The following CTBP1 variants were observed in gnomAD, a reference collection of about 807,000 sequenced individuals.
The protein encoded by CTBP1 is C-terminal-binding protein 1.
Under a neutral mutation model 42.1 loss-of-function variants are expected in CTBP1, and 11 were observed. The ratio of observed to expected loss-of-function variants is 0.26; its 90% CI spans 0.16 to 0.43. The LOEUF (loss-of-function observed/expected upper bound fraction) is 0.43. CTBP1 is among the 20% of genes least tolerant of loss of function. The probability of loss-of-function intolerance (pLI) is 1.00; values close to 1 mark genes in which losing one functional copy is unlikely to be tolerated. For missense variants in CTBP1, 399 were observed against 624.3 expected, an observed-to-expected ratio of 0.64 and a Z score of 3.85; for synonymous variants, 324 against 277.1, an observed-to-expected ratio of 1.17 and a Z score of -1.68.
Position 1,248,848 on chromosome 4 carries a change from C to T in CTBP1, c.-189+68G>A, listed in dbSNP as rs1434829362. 20 of 917,064 alleles carry T rather than the reference C, an allele frequency of 2.2e-5. No homozygotes were observed. In the African/African-American group the frequency reaches 3.5e-4, roughly 16 times the overall value. 56.8% of individuals were successfully genotyped at this position (917,064 alleles called of 1,614,324 possible). ...GCGCTCGGTCCGCCCCCGCGCCCCC[C>T]GCCCGCGCGGCACCCGCCCCGCCCC... is the stretch of plus-strand genomic sequence containing the variant. On this transcript the variant is annotated intron_variant, in intron 1 of 9. Coordinates refer to ENST00000382952, the MANE Select transcript of CTBP1 (RefSeq NM_001012614.2).
At position 1,211,571 on chromosome 4, in the gene CTBP1, C is replaced by G. The variant is rs926283257; in HGVS notation, c.*669G>C. 5 of 152,510 alleles carry G rather than the reference C, an allele frequency of 3.3e-5. No individual in the cohort carries two copies. The highest frequency in any genetic ancestry group is 1.2e-4 in the African/African-American group (5 of 41,556). The allele number at this position is 152,510 out of a possible 1,614,324, so 9.4% of individuals were successfully genotyped here. Reference sequence around the variant, plus strand: ...AGGACGGCACTGGTGCAGGCGGGGACGCTGCCACCCTCCACGTCCCCAGGA... The same window carrying G: ...AGGACGGCACTGGTGCAGGCGGGGAGGCTGCCACCCTCCACGTCCCCAGGA... On this transcript the variant is annotated 3_prime_UTR_variant, in exon 10 of 10. Transcript: ENST00000382952.
intron 5 of CTBP1, chr4:1,216,558 T>C (rs1406576416): frequency 7.5e-6 from 3 of 398,908 alleles, no homozygotes; most frequent in Non-Finnish European, 1.4e-5. Context: ...ACCCAACACA[T>C]GTCCTCCGTG....
At chr4:1,249,185 GCGCGGGCGGCGCACGGACTCA>G (rs1242105728), upstream of CTBP1, 2 of 147,158 alleles carry the variant, frequency 1.4e-5, no homozygotes, top group East Asian at 2.0e-4. Flanking sequence ...CTGGTTCCCA[GCGCGGGCGGCGCACGGACTCA>G]CGCGGGCGGC....
chr4:1,221,220 T>A (rs1460223534), intron 5 of CTBP1, among the ~76,000 whole-genome samples: 4 of 152,202 alleles, frequency 2.6e-5, no homozygotes, highest in Admixed American at 2.6e-4. Flanking sequence ...TCCTCACTTA[T>A]CAGGAAACTA....
At chr4:1,231,308 A>G (rs575320962) in intron 3 of CTBP1, among the ~76,000 whole-genome samples, 1 of 152,306 alleles carries the variant, frequency 6.6e-6, no homozygotes, top group Admixed American at 6.5e-5. Flanking sequence ...GAAAGTCTGC[A>G]GGAGGTGGGT....
At chr4:1,239,595 C>T (rs1035379938) in intron 2 of CTBP1, among the ~76,000 whole-genome samples, 1 of 152,216 alleles carries the variant, frequency 6.6e-6, no homozygotes, top group Non-Finnish European at 1.5e-5. Context: ...GAACCCATGG[C>T]AGAGAAAAGA....
At chr4:1,240,707 C>T (rs73793160) in intron 2 of CTBP1, among the ~76,000 whole-genome samples, 266 of 152,300 alleles carry the variant, frequency 1.7e-3, no homozygotes, top group African/African-American at 6.2e-3. Flanking sequence ...CACCAAGCCC[C>T]ATCAGGCTCA....
Position 1,233,837 on chromosome 4 carries a change from A to C in CTBP1, c.162+4346T>G, listed in dbSNP as rs1468611413. 2.0e-5 allele frequency among the ~76,000 whole-genome samples: 3 copies of C among 152,214 alleles called. No homozygotes were observed. The highest frequency in any genetic ancestry group is 4.4e-5 in the Non-Finnish European group (3 of 68,038). On this transcript the variant is annotated intron_variant, in intron 3 of 9. Coordinates refer to ENST00000382952, the MANE Select transcript of CTBP1 (RefSeq NM_001012614.2). The surrounding 1 kb of genome is among the most constrained non-coding windows in gnomAD (Gnocchi z 4.6). The stretch of plus-strand genomic sequence containing the variant: ...GCGGGAAGTTTCTGCCCCAGGAGGC[A>C]GAATTCCTGACTAACAGTGGCACAC...
chr4:1,249,408 A>C (rs1229053917), upstream of CTBP1: 1 of 152,306 alleles, frequency 6.6e-6, no homozygotes, highest in African/African-American at 2.4e-5. Context: ...GTCCGCCCCG[A>C]GGACCCTGCG....
chr4:1,242,204 CCT>C (rs1732249594), intron 1 of CTBP1: 1 of 985,406 alleles, frequency 1.0e-6, no homozygotes, highest in Non-Finnish European at 1.2e-6. Flanking sequence ...GCAGGGGGCC[CCT>C]GAGAGGGCCA....
chr4:1,240,709 T>C (rs113692186), intron 2 of CTBP1, among the ~76,000 whole-genome samples: 4,515 of 152,146 alleles, frequency 0.03, 220 homozygotes, highest in African/African-American at 0.1. Context: ...CCAAGCCCCA[T>C]CAGGCTCAGG....
intron 2 of CTBP1, among the ~76,000 whole-genome samples, chr4:1,239,018 G>A (rs1460940308): frequency 6.6e-6 from 1 of 152,176 alleles, no homozygotes; most frequent in Non-Finnish European, 1.5e-5. Context: ...CCCTCTGCCT[G>A]GCATTACTTC....
chr4:1,223,004 C>T (rs997659316), intron 5 of CTBP1, among the ~76,000 whole-genome samples: 4 of 152,146 alleles, frequency 2.6e-5, no homozygotes, highest in African/African-American at 4.8e-5. Flanking sequence ...GCAGGACAGG[C>T]GGTGACCTGC....
At position 1,229,977 on chromosome 4, in the gene CTBP1, C is replaced by T. The variant is rs552483110; in HGVS notation, c.163-1634G>A. Among the ~76,000 whole-genome samples the T allele has an allele frequency of 1.9e-4, 29 of 152,260 alleles. 1 individual carries two copies. In the East Asian group the frequency reaches 2.9e-3, roughly 15 times the overall value. Reference sequence around the variant, plus strand: ...GGAAGAAGGGAAGGTTGGAGCACCTCGGCTGCAGGAGGCAGGGAGGCATCT... The same window carrying T: ...GGAAGAAGGGAAGGTTGGAGCACCTTGGCTGCAGGAGGCAGGGAGGCATCT... On this transcript the variant is annotated intron_variant, in intron 3 of 9. Transcript: ENST00000382952.
intron 4 of CTBP1, among the ~76,000 whole-genome samples, chr4:1,227,975 T>A (rs1730561239): frequency 6.6e-6 from 1 of 152,172 alleles, no homozygotes. Flanking sequence ...CACAGCTGGA[T>A]TTCCTGCTGC....
intron 1 of CTBP1, chr4:1,243,206 T>C: frequency 1.0e-6 from 1 of 985,388 alleles, no homozygotes; most frequent in Non-Finnish European, 1.2e-6. Context: ...TACCCATCAA[T>C]GCTGCTCAAT....
At position 1,214,369 on chromosome 4, in the gene CTBP1, C is replaced by G; in HGVS notation, c.834G>C (p.Leu278=). The change falls in exon 7 of 10, where the codon CTG becomes CTC. Residue 278 remains leucine, a synonymous_variant. Transcript: ENST00000382952. ...TGAAGGGTTCCGACTCGTGCACATC[C>G]AGGGCCGCGCCGCGGATCCGGCCCT... ...LKEGRIRGAA[L]DVHESEPFSF... 3 of 1,566,866 alleles carry G rather than the reference C, an allele frequency of 1.9e-6. No individual in the cohort carries two copies. The highest frequency in any genetic ancestry group is 2.6e-6 in the Non-Finnish European group (3 of 1,162,300).
chr4:1,227,723 G>A (rs887337756), intron 4 of CTBP1, among the ~76,000 whole-genome samples: 2 of 151,642 alleles, frequency 1.3e-5, no homozygotes, highest in Non-Finnish European at 2.9e-5. Flanking sequence ...CGTGTTCCGT[G>A]TGTGTTCTGT....
At chr4:1,226,224 C>G (rs1428159567) in intron 4 of CTBP1, among the ~76,000 whole-genome samples, 1 of 152,160 alleles carries the variant, frequency 6.6e-6, no homozygotes, top group Non-Finnish European at 1.5e-5. Flanking sequence ...CAGCCAGTGC[C>G]CCTCCCTGAG....
Sources: gnomAD v4.1 joint callset for allele counts (sites outside exome capture counted in the v4.1 genomes callset) on GRCh38, gnomAD v4.1.1 for gene constraint, Gnocchi (gnomAD v3.1) non-coding constraint, MANE v1.5 for transcripts, NCBI Gene and HGNC (gene_info 2026-07-23, HGNC 2026-07-21) for gene names.